Variants in DST observed in about 807,000 individuals in gnomAD.
DST encodes the protein bullous pemphigoid antigen.
A neutral mutation model predicts 875.2 loss-of-function variants in DST; 253 were observed. The observed-to-expected ratio is 0.29, with a 90% CI of 0.26 to 0.32. The LOEUF is 0.32. Among genes scored for constraint, DST ranks in the 10% least tolerant of loss-of-function variants. The pLI, the probability that DST is intolerant of heterozygous loss-of-function variation, is 1.00. For synonymous variants in DST, 3,124 were observed against 3,197.1 expected, an observed-to-expected ratio of 0.98 and a Z score of 0.77; for missense variants, 8,287 against 9,111.6, an observed-to-expected ratio of 0.91 and a Z score of 3.68.
At chr6:56,924,994 C>T (rs776848454) in intron 2 of DST, among the ~76,000 whole-genome samples, 1 of 152,054 alleles carries the variant, frequency 6.6e-6, no homozygotes, top group Non-Finnish European at 1.5e-5. Context: ...AATTAGAACA[C>T]CTGTAACAAA....
At position 56,610,322 on chromosome 6, in the gene DST, G is replaced by A. The variant is rs1034337287; in HGVS notation, c.5283+105C>T. The A allele has an allele frequency of 3.0e-5, 26 of 857,366 alleles. No individual in the cohort carries two copies. In the South Asian group the frequency reaches 3.7e-4, roughly 12 times the overall value. 53.1% of individuals were successfully genotyped at this position (857,366 alleles called of 1,614,324 possible). A position where few individuals can be genotyped will look rare whatever the true frequency, so the allele number is the denominator to read the frequency against. On this transcript the variant is annotated intron_variant, in intron 39 of 103. Coordinates refer to ENST00000680361, the MANE Select transcript of DST (RefSeq NM_001374736.1). ...TAAACTCAATCCCTATTTTAACTAC[G>A]TACAAAATTCAAGGTCATTTCTTTA...
At chr6:56,917,851 T>C (rs1298737973) in intron 2 of DST, among the ~76,000 whole-genome samples, 1 of 152,198 alleles carries the variant, frequency 6.6e-6, no homozygotes, top group Non-Finnish European at 1.5e-5. Context: ...ATTTTTCCTT[T>C]TTAAAGATCT....
At chr6:56,762,588 T>C (rs763253919) in intron 4 of DST, among the ~76,000 whole-genome samples, 9 of 152,232 alleles carry the variant, frequency 5.9e-5, no homozygotes, top group Non-Finnish European at 8.8e-5. Context: ...AATGCTATCA[T>C]AACTCTTTTG....
At chr6:56,789,358 A>T (rs2153003415) in intron 4 of DST, among the ~76,000 whole-genome samples, 1 of 152,264 alleles carries the variant, frequency 6.6e-6, no homozygotes. Context: ...AAATTGAAAA[A>T]ATATATATAG....
intron 69 of DST, among the ~76,000 whole-genome samples, chr6:56,524,107 T>C (rs1410424461): frequency 6.6e-6 from 1 of 152,174 alleles, no homozygotes; most frequent in Non-Finnish European, 1.5e-5. Flanking sequence ...TTTATCAAAC[T>C]GTACTCTGGT....
intron 5 of DST, among the ~76,000 whole-genome samples, chr6:56,713,130 T>C (rs1277684193): frequency 7.9e-5 from 12 of 152,298 alleles, no homozygotes; most frequent in Non-Finnish European, 4.4e-5. Context: ...GGTGATAAGA[T>C]GGAATAACAT....
At chr6:56,546,382 A>ATATG (rs2097226178) in intron 61 of DST, among the ~76,000 whole-genome samples, 1 of 133,666 alleles carries the variant, frequency 7.5e-6, no homozygotes, top group Non-Finnish European at 1.6e-5. Context: ...ATATATATAT[A>ATATG]TATATATAAA....
intron 2 of DST, among the ~76,000 whole-genome samples, chr6:56,938,537 T>C (rs1232158738): frequency 6.6e-6 from 1 of 152,106 alleles, no homozygotes; most frequent in Admixed American, 6.6e-5. Flanking sequence ...CAGAAAAAGC[T>C]TACCATGAGT....
intron 61 of DST, among the ~76,000 whole-genome samples, chr6:56,551,830 G>A (rs2097329712): frequency 6.6e-6 from 1 of 152,172 alleles, no homozygotes; most frequent in Non-Finnish European, 1.5e-5. Flanking sequence ...GAAATTGCTG[G>A]AAGATAAACA....
chr6:56,846,392 C>T (rs1210319639), intron 4 of DST, among the ~76,000 whole-genome samples: 2 of 152,198 alleles, frequency 1.3e-5, no homozygotes, highest in Non-Finnish European at 2.9e-5. Flanking sequence ...CTCCTTTGAT[C>T]CTTCAATTCC....
intron 3 of DST, among the ~76,000 whole-genome samples, chr6:56,888,889 G>A (rs116174320): frequency 0.012 from 1,767 of 152,274 alleles, 33 homozygotes; most frequent in East Asian, 0.04. Flanking sequence ...GGTTTAGTTG[G>A]GGAGAGTTCA....
intron 2 of DST, among the ~76,000 whole-genome samples, chr6:56,913,189 C>T (rs568270503): frequency 6.6e-6 from 1 of 152,338 alleles, no homozygotes; most frequent in South Asian, 2.1e-4. Context: ...TTCTTTACAG[C>T]TCCATAAACA....
rs376533777 is a variant in DST at position 56,600,215 on chromosome 6, C to T, written c.11548G>A (p.Ala3850Thr). ...TCTTTATACTCCTGCTGACGCTCTGCTACAATCTAAAGTGAAGAAAACCCA... is the reference window on the plus strand; with the variant it reads ...TCTTTATACTCCTGCTGACGCTCTGTTACAATCTAAAGTGAAGAAAACCCA... ...EQDLDDQKIV[A>T]ERQQEYKEKL... The change falls in exon 45 of 104, where the codon GCA becomes ACA. Residue 3850 changes from alanine (A) to threonine (T), a missense_variant. Physicochemically the swap from Ala to Thr is moderately conservative, Grantham distance 58. Around this residue, in one of 10 missense-constraint regions of DST, gnomAD observed 3,138 missense variants for 3,116.6 expected, o/e 1.01. Transcript: ENST00000680361. 4 of 1,611,464 alleles carry T rather than the reference C, an allele frequency of 2.5e-6. No homozygotes were observed. Among genetic ancestry groups the T allele is most frequent in the Non-Finnish European group, 3.4e-6 (4 of 1,178,544 alleles).
chr6:56,901,539 G>A (rs1040528281), intron 2 of DST, among the ~76,000 whole-genome samples: 2 of 152,186 alleles, frequency 1.3e-5, no homozygotes, highest in Non-Finnish European at 2.9e-5. Context: ...AGGTTGCAGT[G>A]AGCCAAGATC....
At position 56,716,609 on chromosome 6, in the gene DST, T is replaced by A. The variant is rs969709306; in HGVS notation, c.688-12240A>T. Among the ~76,000 whole-genome samples the A allele has an allele frequency of 2.0e-5, 3 of 152,146 alleles. No homozygotes were observed. The East Asian group carries it at 5.8e-4, about 29-fold the overall frequency. ...TCACAACTGTAATCCCAGCTACTCA[T>A]GAAACTGCCTTTGTGAAAATTACTT... On this transcript the variant is annotated intron_variant, in intron 5 of 103. Transcript: ENST00000680361.
chr6:56,718,302 C>T (rs1434193101), intron 5 of DST, among the ~76,000 whole-genome samples: 1 of 152,086 alleles, frequency 6.6e-6, no homozygotes, highest in Admixed American at 6.6e-5. Flanking sequence ...CCAATAAGCA[C>T]ATGAAAAGAT....
At position 56,470,205 on chromosome 6, in the gene DST, A is replaced by T; in HGVS notation, c.22399T>A (p.Tyr7467Asn). The change falls in exon 96 of 104, where the codon TAT (tyrosine) becomes AAT (asparagine). Residue 7467 changes from tyrosine (Y) to asparagine (N), a missense_variant. This residue lies in a region of DST where 87 missense variants were observed against 209.7 expected (regional missense o/e 0.41). Coordinates refer to ENST00000680361, the MANE Select transcript of DST (RefSeq NM_001374736.1). ...DRDGDGYIDY[Y>N]EFVAALHPNK... ...GGGTGAAGGGCTGCTACAAATTCAT[A>T]GTAGTCAATATATCCATCGCCATCT... 6.2e-7 allele frequency: 1 copy of T among 1,612,268 alleles called. No homozygotes were observed. The highest frequency in any genetic ancestry group is 2.2e-5 in the East Asian group (1 of 44,838).
intron 3 of DST, among the ~76,000 whole-genome samples, chr6:56,854,665 T>C (rs1304462075): frequency 1.3e-5 from 2 of 152,200 alleles, no homozygotes; most frequent in African/African-American, 4.8e-5. Flanking sequence ...TTATTCCTTA[T>C]AATATTTTAA....
intron 78 of DST, among the ~76,000 whole-genome samples, chr6:56,503,439 T>C (rs2096202521): frequency 6.6e-6 from 1 of 151,922 alleles, no homozygotes; most frequent in Non-Finnish European, 1.5e-5. Context: ...AATTAAAAAT[T>C]AAAATTAAAA....
Sources: gnomAD v4.1 joint callset for allele counts (sites outside exome capture counted in the v4.1 genomes callset) on GRCh38, gnomAD v4.1.1 for gene constraint, gnomAD v4.1.1 regional missense constraint, MANE v1.5 for transcripts, NCBI Gene and HGNC (gene_info 2026-07-23, HGNC 2026-07-21) for gene names.